The following BCAT1 variants were observed in gnomAD, a reference collection of about 807,000 sequenced individuals.
The protein encoded by BCAT1 is branched-chain-amino-acid aminotransferase, cytosolic.
A neutral mutation model predicts 52.4 loss-of-function variants in BCAT1; 48 were observed. That is an observed-to-expected ratio of 0.92 (90% confidence interval 0.73 to 1.16). BCAT1 has a LOEUF of 1.16. Among genes scored for constraint, BCAT1 ranks in the 50% most tolerant of loss-of-function variants. The probability of loss-of-function intolerance (pLI) is 0.00; values close to 1 mark genes in which losing one functional copy is unlikely to be tolerated. For synonymous variants in BCAT1, 167 were observed against 161.3 expected (o/e 1.04, Z -0.27); for missense variants, 451 against 457.1 (o/e 0.99, Z 0.12).
intron 5 of BCAT1, among the ~76,000 whole-genome samples, chr12:24,852,641 G>A (rs535177394): frequency 4.6e-5 from 7 of 152,144 alleles, no homozygotes; most frequent in Admixed American, 2.0e-4. Flanking sequence ...GATAGAAAAT[G>A]GAATAATTCT....
intron 1 of BCAT1, among the ~76,000 whole-genome samples, chr12:24,931,577 A>G (rs532569312): frequency 2.0e-5 from 3 of 152,348 alleles, no homozygotes; most frequent in Non-Finnish European, 4.4e-5. Context: ...CTGAAATACG[A>G]GCCCCTTTGG....
intron 1 of BCAT1, among the ~76,000 whole-genome samples, chr12:24,937,955 T>C (rs1943789660): frequency 6.6e-6 from 1 of 152,056 alleles, no homozygotes; most frequent in East Asian, 1.9e-4. Context: ...GTAGCTGGCA[T>C]ATGAGGAATG....
At chr12:24,871,045 G>A (rs1477072138) in intron 5 of BCAT1, among the ~76,000 whole-genome samples, 1 of 152,058 alleles carries the variant, frequency 6.6e-6, no homozygotes, top group Non-Finnish European at 1.5e-5. Context: ...AAAAAAGATT[G>A]TTATCAGAGT....
chr12:24,821,720 A>C (rs1253715426), intron 10 of BCAT1, among the ~76,000 whole-genome samples: 2 of 152,200 alleles, frequency 1.3e-5, no homozygotes, highest in Non-Finnish European at 2.9e-5. Flanking sequence ...AAGAGAGTGA[A>C]CGATTCAAAC....
At chr12:24,820,866 C>A (rs889701187) in intron 10 of BCAT1, among the ~76,000 whole-genome samples, 2 of 152,100 alleles carry the variant, frequency 1.3e-5, no homozygotes, top group Middle Eastern at 3.2e-3. Flanking sequence ...AAAACAAAAG[C>A]ACAACCTGCA....
rs1939656441 is a variant in BCAT1 at position 24,810,851 on chromosome 12, G to A, written c.*7157C>T. On this transcript the variant is annotated 3_prime_UTR_variant, in exon 11 of 11. Coordinates refer to ENST00000261192, the MANE Select transcript of BCAT1 (RefSeq NM_005504.7). The stretch of plus-strand genomic sequence containing the variant: ...CTTGGGTAATTCTGCACTTGGCTTT[G>A]TTCTCCCTTGGTGCTTTTGAGGACA... The A allele has an allele frequency of 6.6e-6, 1 of 152,176 alleles. No individual in the cohort carries two copies. Among genetic ancestry groups the A allele is most frequent in the Non-Finnish European group, 1.5e-5 (1 of 68,006 alleles). 9.4% of individuals were successfully genotyped at this position (152,176 alleles called of 1,614,324 possible).
intron 5 of BCAT1, among the ~76,000 whole-genome samples, chr12:24,874,133 G>C (rs573229667): frequency 6.6e-6 from 1 of 152,212 alleles, no homozygotes; most frequent in African/African-American, 2.4e-5. Flanking sequence ...GGCCAACATG[G>C]TGAAACCCCG....
intron 10 of BCAT1, among the ~76,000 whole-genome samples, chr12:24,824,076 G>C (rs1940269004): frequency 6.6e-6 from 1 of 152,040 alleles, no homozygotes; most frequent in South Asian, 2.1e-4. Context: ...TTGCCTCCTA[G>C]AGTTTCCTTC....
chr12:24,901,311 A>G (rs1013070239), intron 2 of BCAT1, among the ~76,000 whole-genome samples: 1 of 152,242 alleles, frequency 6.6e-6, no homozygotes, highest in African/African-American at 2.4e-5. Context: ...TATAGAAAAA[A>G]TAATATTACA....
chr12:24,947,747 G>T (rs1943953401), intron 1 of BCAT1, among the ~76,000 whole-genome samples: 1 of 152,214 alleles, frequency 6.6e-6, no homozygotes, highest in Non-Finnish European at 1.5e-5. Flanking sequence ...ACAGGAAAAA[G>T]CTGGAAAAGC....
intron 8 of BCAT1, among the ~76,000 whole-genome samples, chr12:24,833,470 G>C (rs1565451659): frequency 6.6e-6 from 1 of 152,124 alleles, no homozygotes; most frequent in African/African-American, 2.4e-5. Flanking sequence ...AGTGAACCAA[G>C]ATCACGTCAC....
At chr12:24,903,088 C>T (rs1463733798) in intron 1 of BCAT1, 3 of 1,369,644 alleles carry the variant, frequency 2.2e-6, no homozygotes, top group Non-Finnish European at 2.8e-6. Flanking sequence ...CGGCGCACGG[C>T]CCATAGGGCG....
chr12:24,823,803 G>A (rs1335957580), intron 10 of BCAT1, among the ~76,000 whole-genome samples: 1 of 152,144 alleles, frequency 6.6e-6, no homozygotes, highest in Non-Finnish European at 1.5e-5. Flanking sequence ...TGTATGGCCT[G>A]CAGAACTGAG....
At position 24,881,762 on chromosome 12, in the gene BCAT1, C is replaced by A. The variant is rs578198552; in HGVS notation, c.280-351G>T. Among the ~76,000 whole-genome samples, 32 of 152,274 alleles carry A rather than the reference C, an allele frequency of 2.1e-4. No individual in the cohort carries two copies. In the South Asian group the frequency reaches 6.4e-3, roughly 31 times the overall value. Reference sequence around the variant, plus strand: ...GGTTAATTCCCTAGGCAATGGAGATCGAAACCAAAGGCCTTGTGGCACCGT... The same window carrying A: ...GGTTAATTCCCTAGGCAATGGAGATAGAAACCAAAGGCCTTGTGGCACCGT... On this transcript the variant is annotated intron_variant, in intron 3 of 10. Transcript: ENST00000261192.
At chr12:24,882,066 C>A (rs925859916) in intron 3 of BCAT1, among the ~76,000 whole-genome samples, 1 of 152,146 alleles carries the variant, frequency 6.6e-6, no homozygotes. Flanking sequence ...TTTAACACAG[C>A]TTCTCTAAGT....
intron 5 of BCAT1, among the ~76,000 whole-genome samples, chr12:24,852,909 G>A (rs573142428): frequency 1.3e-5 from 2 of 152,234 alleles, no homozygotes; most frequent in East Asian, 3.9e-4. Context: ...GTCTTTTCAT[G>A]AATAAAACTG....
In BCAT1 at chr12:24,829,902, A is replaced by AGT; in HGVS notation, c.1045-6_1045-5insAC. The stretch of plus-strand genomic sequence containing the variant: ...CATAGTTGGAATGTGTATTGTCTAC[A>AGT]AAAGAAAGGGAAATGAGATAATTTG... On this transcript the variant is annotated splice_region_variant and splice_polypyrimidine_tract_variant and intron_variant, in intron 9 of 10. Coordinates refer to ENST00000261192, the MANE Select transcript of BCAT1 (RefSeq NM_005504.7). 1 of 1,598,892 alleles carries AGT rather than the reference A, an allele frequency of 6.3e-7. No homozygotes were observed. Among genetic ancestry groups the AGT allele is most frequent in the Non-Finnish European group, 8.5e-7 (1 of 1,171,460 alleles).
intron 1 of BCAT1, among the ~76,000 whole-genome samples, chr12:24,935,506 C>T (rs1943739900): frequency 6.6e-6 from 1 of 152,182 alleles, no homozygotes; most frequent in Non-Finnish European, 1.5e-5. Flanking sequence ...CAGCCCCTAA[C>T]CTACGCCACA....
rs1032221165 is a variant in BCAT1, at chr12:24,862,848, C to T, written c.511-12899G>A. ...AAAAAAAAAAAATCTGATGCTAGTC[C>T]TAACATTTTGCATTGACTGACACCC... On this transcript the variant is annotated intron_variant, in intron 5 of 10. Transcript: ENST00000261192. 6.6e-5 allele frequency among the ~76,000 whole-genome samples: 10 copies of T among 152,012 alleles called. No individual in the cohort carries two copies. The South Asian group carries it at 1.5e-3, about 22-fold the overall frequency.
Sources: allele counts gnomAD v4.1 joint callset (sites outside exome capture counted in the v4.1 genomes callset), GRCh38; gene constraint gnomAD v4.1.1; transcripts MANE v1.5; gene names NCBI Gene and HGNC (gene_info 2026-07-23, HGNC 2026-07-21).